The following AKAP6 variants were observed in gnomAD, a reference collection of about 807,000 sequenced individuals.
AKAP6 encodes the protein A-kinase anchor protein 6.
Under a neutral mutation model 188.5 loss-of-function variants are expected in AKAP6, and 58 were observed. The ratio of observed to expected loss-of-function variants is 0.31; its 90% CI spans 0.25 to 0.38. The LOEUF (loss-of-function observed/expected upper bound fraction) is 0.38, where lower values mean the gene tolerates loss of function less well. AKAP6 is among the 10% of genes least tolerant of loss of function. The pLI is 1.00. For missense variants in AKAP6, 2,710 were observed against 2,740.0 expected, an observed-to-expected ratio of 0.99 and a Z score of 0.24; for synonymous variants, 989 against 998.6, an observed-to-expected ratio of 0.99 and a Z score of 0.18.
intron 1 of AKAP6, among the ~76,000 whole-genome samples, chr14:32,405,835 T>A (rs1889273013): frequency 1.3e-5 from 2 of 152,182 alleles, no homozygotes; most frequent in Admixed American, 6.5e-5. Context: ...TCCCCAGTCA[T>A]GCAGAACTGT....
At chr14:32,381,873 C>A (rs947911676) in intron 1 of AKAP6, among the ~76,000 whole-genome samples, 1 of 152,174 alleles carries the variant, frequency 6.6e-6, no homozygotes, top group Non-Finnish European at 1.5e-5. Context: ...TGTCTCTCCT[C>A]ACCTCCATCC....
intron 5 of AKAP6, among the ~76,000 whole-genome samples, chr14:32,593,322 G>T (rs771609846): frequency 3.9e-5 from 6 of 152,172 alleles, no homozygotes; most frequent in Non-Finnish European, 5.9e-5. Context: ...TGTGGGTCTT[G>T]TTGGAATATT....
intron 2 of AKAP6, among the ~76,000 whole-genome samples, chr14:32,450,789 G>A (rs370177022): frequency 6.6e-6 from 1 of 152,074 alleles, no homozygotes; most frequent in Admixed American, 6.5e-5. Flanking sequence ...AGTAGAAGGA[G>A]GGAGGAATCG....
At chr14:32,706,731 C>T (rs527377877) in intron 9 of AKAP6, among the ~76,000 whole-genome samples, 35 of 152,226 alleles carry the variant, frequency 2.3e-4, no homozygotes, top group African/African-American at 7.5e-4. Flanking sequence ...CCTAATGAGG[C>T]ACACTGGGGT....
At chr14:32,409,224 A>G (rs375523423) in intron 1 of AKAP6, among the ~76,000 whole-genome samples, 1 of 152,106 alleles carries the variant, frequency 6.6e-6, no homozygotes, top group South Asian at 2.1e-4. Context: ...AACAAAAAAG[A>G]TTAGCATATG....
At chr14:32,583,260 AC>A (rs1885063654) in intron 5 of AKAP6, among the ~76,000 whole-genome samples, 1 of 151,948 alleles carries the variant, frequency 6.6e-6, no homozygotes, top group African/African-American at 2.4e-5. Flanking sequence ...TCCACTCCAG[AC>A]CCTGTTTGCC....
intron 1 of AKAP6, among the ~76,000 whole-genome samples, chr14:32,349,185 T>C (rs976992063): frequency 2.6e-5 from 4 of 152,250 alleles, no homozygotes; most frequent in Non-Finnish European, 4.4e-5. Context: ...GACATTGTAG[T>C]ATTTCAAAAC....
intron 4 of AKAP6, among the ~76,000 whole-genome samples, chr14:32,570,193 C>G (rs8009487): frequency 1.2e-4 from 16 of 134,548 alleles, no homozygotes; most frequent in Admixed American, 1.0e-3. Context: ...TGCAGTGGAG[C>G]AATCTCGGCT....
At chr14:32,566,866 G>A (rs1343927759) in intron 4 of AKAP6, among the ~76,000 whole-genome samples, 4 of 152,058 alleles carry the variant, frequency 2.6e-5, no homozygotes, top group Non-Finnish European at 5.9e-5. Context: ...TGATTACACA[G>A]CACCTAAGTT....
chr14:32,788,605 C>A (rs946751156), intron 12 of AKAP6, among the ~76,000 whole-genome samples: 1 of 149,340 alleles, frequency 6.7e-6, no homozygotes, highest in Non-Finnish European at 1.5e-5. Context: ...AGTGAGTGAG[C>A]GTGCAACCCC....
rs572101149 is a variant in AKAP6 at position 32,519,877 on chromosome 14, A to C, written c.325-15677A>C. Among the ~76,000 whole-genome samples, 4 of 152,312 alleles carry C rather than the reference A, an allele frequency of 2.6e-5. No homozygotes were observed. In the East Asian group the frequency reaches 5.8e-4, roughly 22 times the overall value. ...GACATCTACAGAACTCTCCACCCCA[A>C]ATCAACAGAATATACATTCTTCTCA... On this transcript the variant is annotated intron_variant, in intron 2 of 13. Transcript: ENST00000280979.
intron 1 of AKAP6, among the ~76,000 whole-genome samples, chr14:32,345,237 A>C (rs550507292): frequency 2.0e-5 from 3 of 152,340 alleles, no homozygotes; most frequent in South Asian, 4.1e-4. Flanking sequence ...CAGTTCACAC[A>C]GTCTATCACA....
At chr14:32,357,095 A>C (rs1887509068) in intron 1 of AKAP6, among the ~76,000 whole-genome samples, 1 of 152,228 alleles carries the variant, frequency 6.6e-6, no homozygotes, top group African/African-American at 2.4e-5. Flanking sequence ...GCATAATAGG[A>C]ACTCTTACCA....
chr14:32,440,196 C>T (rs936348057), intron 2 of AKAP6, among the ~76,000 whole-genome samples: 16 of 152,034 alleles, frequency 1.1e-4, no homozygotes, highest in African/African-American at 3.9e-4. Context: ...TTTTTTATGG[C>T]TGCATAGTAT....
At chr14:32,437,580 A>G (rs1348746716) in intron 2 of AKAP6, among the ~76,000 whole-genome samples, 1 of 151,890 alleles carries the variant, frequency 6.6e-6, no homozygotes, top group African/African-American at 2.4e-5. Context: ...TATCTAGTCC[A>G]TCACCTAGCT....
At chr14:32,604,971 C>A (rs546302714) in intron 7 of AKAP6, among the ~76,000 whole-genome samples, 1 of 152,084 alleles carries the variant, frequency 6.6e-6, no homozygotes, top group Non-Finnish European at 1.5e-5. Context: ...ATGCTCTCCC[C>A]GCACCTGTCC....
chr14:32,732,746 G>C, intron 10 of AKAP6, 146 bp downstream of exon 10: 1 of 915,338 alleles, frequency 1.1e-6, no homozygotes, highest in South Asian at 1.6e-5. Context: ...ATGCTATTAT[G>C]GGAAAGACAC....
At chr14:32,791,192 C>T (rs2033598177) in intron 12 of AKAP6, among the ~76,000 whole-genome samples, 1 of 152,150 alleles carries the variant, frequency 6.6e-6, no homozygotes, top group Admixed American at 6.5e-5. Context: ...AGAATCACTA[C>T]ACTGTCTTCC....
At chr14:32,648,331 T>C (rs1049664553) in intron 7 of AKAP6, among the ~76,000 whole-genome samples, 3 of 152,168 alleles carry the variant, frequency 2.0e-5, no homozygotes, top group African/African-American at 7.2e-5. Context: ...TTGTGAATTA[T>C]GATTTGCCTA....
Sources: allele counts gnomAD v4.1 joint callset (sites outside exome capture counted in the v4.1 genomes callset), GRCh38; gene constraint gnomAD v4.1.1; transcripts MANE v1.5; gene names NCBI Gene and HGNC (gene_info 2026-07-23, HGNC 2026-07-21).